Variants in PPP6R3 observed in about 807,000 individuals in gnomAD.
The protein encoded by PPP6R3 is protein phosphatase 6 regulatory subunit 3.
PPP6R3 carries 38 observed loss-of-function variants against 110.7 expected under a neutral mutation model. The observed-to-expected ratio is 0.34, with a 90% CI of 0.26 to 0.45. The LOEUF is 0.45. PPP6R3 is among the 20% of genes least tolerant of loss of function. PPP6R3 has a pLI of 1.00. For missense variants in PPP6R3, 870 were observed against 1,062.4 expected (o/e 0.82, Z 2.52); for synonymous variants, 369 against 373.5 (o/e 0.99, Z 0.14).
chr11:68,469,498 C>T lies in PPP6R3; in HGVS notation c.-158+8671C>T, dbSNP rs983262402. Among the ~76,000 whole-genome samples the T allele has an allele frequency of 7.9e-5, 12 of 151,614 alleles. No individual in the cohort carries two copies. The South Asian group carries it at 2.5e-3, about 32-fold the overall frequency. ...AAACGATTCTCTCACCTCAGCCTCC[C>T]GAGTAGCTGGGACTGTAGGCACATG... On this transcript the variant is annotated intron_variant, in intron 1 of 23. Coordinates refer to ENST00000393800, the MANE Select transcript of PPP6R3 (RefSeq NM_001164161.2).
chr11:68,524,488 A>G (rs1245638006), intron 2 of PPP6R3, among the ~76,000 whole-genome samples: 3 of 152,144 alleles, frequency 2.0e-5, no homozygotes, highest in Admixed American at 2.0e-4. Context: ...GGTCCTAGAC[A>G]TTATTTATCT....
chr11:68,573,958 C>T (rs925077358), intron 12 of PPP6R3, 151 bp from the exon 13 acceptor site: 2 of 575,998 alleles, frequency 3.5e-6, no homozygotes, highest in Non-Finnish European at 6.2e-6. Context: ...ACCTTCCATT[C>T]CTTTGTTTTT....
intron 2 of PPP6R3, among the ~76,000 whole-genome samples, chr11:68,536,251 A>G (rs2099270320): frequency 6.6e-6 from 1 of 152,112 alleles, no homozygotes; most frequent in East Asian, 1.9e-4. Flanking sequence ...CTGATCTCCT[A>G]AAGTGGGTGG....
rs558506059 is a variant in PPP6R3, at chr11:68,504,270, T to C, written c.-157-15231T>C. On this transcript the variant is annotated intron_variant, in intron 1 of 23. Transcript: ENST00000393800. ...TCAGGTTCTTTGAGAGTTACTTTTTTTCATTAAAATTTTTCAAGATTGAGA... is the reference window on the plus strand; with the variant it reads ...TCAGGTTCTTTGAGAGTTACTTTTTCTCATTAAAATTTTTCAAGATTGAGA... Among the ~76,000 whole-genome samples the C allele has an allele frequency of 2.6e-5, 4 of 152,302 alleles. 1 individual carries two copies. Among genetic ancestry groups the C allele is most frequent in the African/African-American group, 9.6e-5 (4 of 41,560 alleles).
intron 5 of PPP6R3, 21 bp from the exon 6 acceptor site, chr11:68,551,100 C>T: frequency 1.9e-6 from 3 of 1,555,742 alleles, no homozygotes; most frequent in Non-Finnish European, 2.7e-6. Flanking sequence ...GCTATGATTA[C>T]TTCTACAATG....
chr11:68,562,924 C>T (rs2099430368), intron 8 of PPP6R3, among the ~76,000 whole-genome samples: 1 of 151,978 alleles, frequency 6.6e-6, no homozygotes. Context: ...AAATTCTGCT[C>T]CGAGACTCTG....
chr11:68,494,985 C>CA (rs1405290526), intron 1 of PPP6R3, among the ~76,000 whole-genome samples: 3 of 152,114 alleles, frequency 2.0e-5, no homozygotes, highest in Non-Finnish European at 2.9e-5. Flanking sequence ...GTGCCAGGCT[C>CA]AAAAATGTTT....
At chr11:68,480,021 C>T (rs866836340) in intron 1 of PPP6R3, among the ~76,000 whole-genome samples, 15 of 151,928 alleles carry the variant, frequency 9.9e-5, no homozygotes, top group East Asian at 3.8e-4. Context: ...TGTGAATTAT[C>T]GCGCCTGGCC....
At chr11:68,509,630 A>T (rs1354961700) in intron 1 of PPP6R3, among the ~76,000 whole-genome samples, 1 of 151,834 alleles carries the variant, frequency 6.6e-6, no homozygotes, top group East Asian at 1.9e-4. Context: ...TTTATTTTTG[A>T]GACAGGGTGT....
intron 18 of PPP6R3, among the ~76,000 whole-genome samples, chr11:68,592,099 T>C (rs1323937352): frequency 1.3e-5 from 2 of 152,144 alleles, no homozygotes; most frequent in South Asian, 2.1e-4. Context: ...TAAAAGTTAA[T>C]CTATTTGGGG....
chr11:68,558,740 T>A, intron 8 of PPP6R3, 61 bp downstream of exon 8: 1 of 1,312,254 alleles, frequency 7.6e-7, no homozygotes, highest in Non-Finnish European at 1.1e-6. Flanking sequence ...ATTTAAGAGT[T>A]AAATTCTTAG....
intron 1 of PPP6R3, among the ~76,000 whole-genome samples, chr11:68,482,613 T>C (rs1367810050): frequency 6.6e-6 from 1 of 152,166 alleles, no homozygotes; most frequent in Admixed American, 6.6e-5. Context: ...GGTAGGATAT[T>C]GTAAACTTTT....
At chr11:68,555,584 TG>T (rs1202121525) in intron 7 of PPP6R3, among the ~76,000 whole-genome samples, 1 of 152,230 alleles carries the variant, frequency 6.6e-6, no homozygotes, top group African/African-American at 2.4e-5. Context: ...TAGTAGTCAT[TG>T]CTAAGTTCTT....
intron 1 of PPP6R3, among the ~76,000 whole-genome samples, chr11:68,510,295 C>T (rs2153528451): frequency 6.6e-6 from 1 of 152,208 alleles, no homozygotes; most frequent in African/African-American, 2.4e-5. Flanking sequence ...GATATTACAG[C>T]TCTCTGGTCT....
At chr11:68,485,730 T>C (rs146509769) in intron 1 of PPP6R3, among the ~76,000 whole-genome samples, 134 of 152,334 alleles carry the variant, frequency 8.8e-4, no homozygotes, top group African/African-American at 3.0e-3. Context: ...AGTCTCACTT[T>C]GTCACATAGG....
At chr11:68,466,128 G>A (rs566745799) in intron 1 of PPP6R3, among the ~76,000 whole-genome samples, 1 of 152,288 alleles carries the variant, frequency 6.6e-6, no homozygotes, top group South Asian at 2.1e-4. Flanking sequence ...ACTTCAAGTG[G>A]GAGGGGGTGT....
At chr11:68,526,803 A>G (rs1281341173) in intron 2 of PPP6R3, among the ~76,000 whole-genome samples, 1 of 152,242 alleles carries the variant, frequency 6.6e-6, no homozygotes, top group African/African-American at 2.4e-5. Flanking sequence ...CTTGGACTGA[A>G]GTTTTTGAAA....
chr11:68,535,726 G>A (rs2099266606), intron 2 of PPP6R3, among the ~76,000 whole-genome samples: 1 of 151,356 alleles, frequency 6.6e-6, no homozygotes, highest in African/African-American at 2.4e-5. Flanking sequence ...ACTTGGGGAG[G>A]CTGAGGCAGG....
intron 5 of PPP6R3, among the ~76,000 whole-genome samples, chr11:68,548,583 G>A (rs1167416943): frequency 1.3e-5 from 2 of 152,110 alleles, no homozygotes; most frequent in Non-Finnish European, 2.9e-5. Flanking sequence ...TATGTTATGA[G>A]GCCACGCTCT....
Sources: allele counts gnomAD v4.1 joint callset (sites outside exome capture counted in the v4.1 genomes callset), GRCh38; gene constraint gnomAD v4.1.1; transcripts MANE v1.5; gene names NCBI Gene and HGNC (gene_info 2026-07-23, HGNC 2026-07-21).